Variants in CSMD1 observed in about 807,000 individuals in gnomAD.
The protein encoded by CSMD1 is CUB and sushi domain-containing protein 1.
In CSMD1, 213 loss-of-function variants were observed where a neutral mutation model predicts 417.5. The observed-to-expected ratio is 0.51, with a 90% CI of 0.46 to 0.57. CSMD1 has a LOEUF of 0.57. CSMD1 is among the 20% of genes least tolerant of loss of function. The pLI is 0.00. For synonymous variants in CSMD1, 2,862 were observed against 1,736.8 expected, an observed-to-expected ratio of 1.65 and a Z score of -16.11; for missense variants, 6,923 against 4,529.7, an observed-to-expected ratio of 1.53 and a Z score of -15.17.
chr8:4,924,807 T>A (rs1004474378), intron 1 of CSMD1, among the ~76,000 whole-genome samples: 4 of 151,870 alleles, frequency 2.6e-5, no homozygotes, highest in Non-Finnish European at 4.4e-5. Flanking sequence ...ATGTATCATA[T>A]TGTTTTCATT....
chr8:4,179,115 G>C (rs555119012), intron 3 of CSMD1, among the ~76,000 whole-genome samples: 1 of 152,048 alleles, frequency 6.6e-6, no homozygotes, highest in African/African-American at 2.4e-5. Context: ...AGCCCGCATC[G>C]CCAAGTCAAT....
At chr8:4,764,975 C>G (rs1338238950) in intron 1 of CSMD1, among the ~76,000 whole-genome samples, 8 of 148,480 alleles carry the variant, frequency 5.4e-5, no homozygotes, top group African/African-American at 2.0e-4. Context: ...ATTTAAAATT[C>G]TAGAGCTGTT....
At chr8:4,171,128 G>C (rs867745525) in intron 3 of CSMD1, among the ~76,000 whole-genome samples, 4 of 151,836 alleles carry the variant, frequency 2.6e-5, no homozygotes, top group Non-Finnish European at 4.4e-5. Context: ...ACAAAGGTGA[G>C]GTATCCATGC....
At chr8:4,393,133 G>A (rs934395366) in intron 3 of CSMD1, among the ~76,000 whole-genome samples, 20 of 151,662 alleles carry the variant, frequency 1.3e-4, no homozygotes, top group Middle Eastern at 3.4e-3. Flanking sequence ...GTGCCACCAC[G>A]CCCGACTAAT....
chr8:3,608,315 T>C (rs79672730), intron 8 of CSMD1, among the ~76,000 whole-genome samples: 1,541 of 152,030 alleles, frequency 0.01, 23 homozygotes, highest in African/African-American at 0.036. Flanking sequence ...TCTTTATGGA[T>C]AGACATGAAG....
rs925892685 is a variant in CSMD1 at position 4,994,759 on chromosome 8, A to G, written c.-343T>C. On this transcript the variant is annotated 5_prime_UTR_variant, in exon 1 of 70. Coordinates refer to ENST00000635120, the MANE Select transcript of CSMD1 (RefSeq NM_033225.6). The stretch of plus-strand genomic sequence containing the variant: ...AGCGGGGAGAGGAGCGCGCGCAGCC[A>G]GGAGAGACCTGGAGAGGAGGCAGCT... 3.0e-5 allele frequency: 8 copies of G among 268,004 alleles called. No homozygotes were observed. Among genetic ancestry groups the G allele is most frequent in the Middle Eastern group, 2.3e-3 (2 of 860 alleles). 16.6% of individuals were successfully genotyped at this position (268,004 alleles called of 1,614,324 possible). A position where few individuals can be genotyped will look rare whatever the true frequency, so the allele number is the denominator to read the frequency against.
At chr8:4,914,679 G>A (rs967992372) in intron 1 of CSMD1, among the ~76,000 whole-genome samples, 2 of 151,846 alleles carry the variant, frequency 1.3e-5, no homozygotes, top group African/African-American at 4.8e-5. Flanking sequence ...ACACTAATCC[G>A]TGAAAATGAA....
intron 2 of CSMD1, among the ~76,000 whole-genome samples, chr8:4,512,818 T>TG (rs1434714058): frequency 6.8e-6 from 1 of 146,688 alleles, no homozygotes; most frequent in African/African-American, 2.5e-5. Context: ...TTCATGGATT[T>TG]AAAAAAAAAA....
chr8:3,412,872 C>G (rs932799876), intron 12 of CSMD1, among the ~76,000 whole-genome samples: 13 of 152,148 alleles, frequency 8.5e-5, no homozygotes, highest in African/African-American at 2.9e-4. Flanking sequence ...GTTCAAAACG[C>G]TGCATGGTTT....
Position 4,774,443 on chromosome 8 carries a change from A to T in CSMD1, c.86-136885T>A, listed in dbSNP as rs192053901. ...ATGTAAATTAATTATGGTAGTAAGT[A>T]TACTCCTCTAACAATGCCATTTAGA... On this transcript the variant is annotated intron_variant, in intron 1 of 69. Coordinates refer to ENST00000635120, the MANE Select transcript of CSMD1 (RefSeq NM_033225.6). Among the ~76,000 whole-genome samples the T allele has an allele frequency of 7.9e-5, 12 of 152,308 alleles. No homozygotes were observed. The East Asian group carries it at 2.1e-3, about 27-fold the overall frequency.
rs767211235 is a variant in CSMD1, at chr8:3,223,888, C to T, written c.4346-21G>A. On this transcript the variant is annotated intron_variant, in intron 27 of 69. Coordinates refer to ENST00000635120, the MANE Select transcript of CSMD1 (RefSeq NM_033225.6). ...AGCAGCTGTCACAGAACAAAAGTTA[C>T]AGAGAAAAAGTAAGGACAGCGAAGA... is the stretch of plus-strand genomic sequence containing the variant. 3.1e-6 allele frequency: 5 copies of T among 1,612,506 alleles called. No homozygotes were observed. The South Asian group carries it at 3.3e-5, about 11-fold the overall frequency.
intron 11 of CSMD1, among the ~76,000 whole-genome samples, chr8:3,469,959 ATTT>A (rs1160218895): frequency 6.6e-6 from 1 of 152,006 alleles, no homozygotes; most frequent in African/African-American, 2.4e-5. Flanking sequence ...TTGAAGAGAG[ATTT>A]TTTTCTTTCT....
chr8:4,176,298 G>A (rs1798038314), intron 3 of CSMD1, among the ~76,000 whole-genome samples: 2 of 152,064 alleles, frequency 1.3e-5, no homozygotes, highest in Admixed American at 6.6e-5. Context: ...TATAGCAAGT[G>A]TCCATCTTAT....
chr8:3,310,764 G>T (rs75007955), intron 23 of CSMD1, among the ~76,000 whole-genome samples: 1 of 151,340 alleles, frequency 6.6e-6, no homozygotes, highest in African/African-American at 2.4e-5. Flanking sequence ...GCTGTGAATG[G>T]CAGCGGGGCC....
chr8:3,945,811 A>T (rs1166676253), intron 5 of CSMD1, among the ~76,000 whole-genome samples: 1 of 152,130 alleles, frequency 6.6e-6, no homozygotes, highest in Admixed American at 6.5e-5. Context: ...TCACACACCA[A>T]CACACACATG....
intron 18 of CSMD1, among the ~76,000 whole-genome samples, 151 bp from the exon 19 acceptor site, chr8:3,369,521 T>C (rs1479728246): frequency 1.3e-5 from 2 of 152,232 alleles, no homozygotes; most frequent in African/African-American, 2.4e-5. Context: ...AGCTTTATGT[T>C]ACTTGCAAAT....
chr8:4,905,228 A>G (rs756630870), intron 1 of CSMD1, among the ~76,000 whole-genome samples: 45 of 152,126 alleles, frequency 3.0e-4, no homozygotes, highest in Middle Eastern at 3.2e-3. Context: ...TACAGGCATT[A>G]TCTCTCCTCC....
intron 5 of CSMD1, among the ~76,000 whole-genome samples, chr8:3,938,643 C>T (rs139303520): frequency 0.01 from 1,527 of 152,266 alleles, 25 homozygotes; most frequent in African/African-American, 0.034. Flanking sequence ...CAGGTCACTG[C>T]AAGTCTCTTT....
rs555799042 is a variant in CSMD1, at chr8:3,760,607, T to C, written c.819-6565A>G. Among the ~76,000 whole-genome samples, 15 of 152,376 alleles carry C rather than the reference T, an allele frequency of 9.8e-5. No homozygotes were observed. The East Asian group carries it at 2.7e-3, about 27-fold the overall frequency. On this transcript the variant is annotated intron_variant, in intron 5 of 69. Coordinates refer to ENST00000635120, the MANE Select transcript of CSMD1 (RefSeq NM_033225.6). ...TACAGCACTCTGTATGTATGACTCA[T>C]GCATTTCGCGTATGTGACTTGAAAA...
Sources: gnomAD v4.1 joint callset for allele counts (sites outside exome capture counted in the v4.1 genomes callset) on GRCh38, gnomAD v4.1.1 for gene constraint, MANE v1.5 for transcripts, NCBI Gene and HGNC (gene_info 2026-07-23, HGNC 2026-07-21) for gene names.